ME1: variants seen among roughly 807,000 people sequenced by gnomAD.
ME1 encodes NADP-dependent malic enzyme.
ME1 carries 74 observed loss-of-function variants against 66.4 expected under a neutral mutation model. That is an observed-to-expected ratio of 1.11 (90% CI 0.92 to 1.35). The LOEUF (loss-of-function observed/expected upper bound fraction) is 1.35, where lower values mean the gene tolerates loss of function less well. Ranked by LOEUF, ME1 falls within the 40% of genes most tolerant of loss-of-function variation. The probability of loss-of-function intolerance (pLI) is 0.00; values close to 1 mark genes in which losing one functional copy is unlikely to be tolerated. For synonymous variants in ME1, 251 were observed against 235.6 expected (o/e 1.07, Z -0.60); for missense variants, 750 against 694.1 (o/e 1.08, Z -0.90).
intron 1 of ME1, among the ~76,000 whole-genome samples, chr6:83,415,839 T>A (rs1290738182): frequency 6.6e-6 from 1 of 152,208 alleles, no homozygotes; most frequent in Non-Finnish European, 1.5e-5. Context: ...TATGGGGATT[T>A]TTTAAAGTAC....
intron 5 of ME1, among the ~76,000 whole-genome samples, chr6:83,316,083 C>T (rs1170466): frequency 0.25 from 38,570 of 151,966 alleles, 5,579 homozygotes; most frequent in Middle Eastern, 0.46. Context: ...GAAATATTAG[C>T]TTAAGGAATG....
intron 6 of ME1, among the ~76,000 whole-genome samples, chr6:83,313,854 A>G (rs1270635723): frequency 6.6e-6 from 1 of 152,224 alleles, no homozygotes; most frequent in East Asian, 1.9e-4. Context: ...TCTAAAATGT[A>G]GTCCATACTA....
chr6:83,309,195 T>A (rs1474915008), intron 6 of ME1, among the ~76,000 whole-genome samples: 1 of 152,070 alleles, frequency 6.6e-6, no homozygotes, highest in African/African-American at 2.4e-5. Flanking sequence ...CTCAGAACCA[T>A]CACAGCTTTT....
At chr6:83,430,302 C>T (rs887451098) in intron 1 of ME1, among the ~76,000 whole-genome samples, 1 of 152,192 alleles carries the variant, frequency 6.6e-6, no homozygotes, top group Non-Finnish European at 1.5e-5. Flanking sequence ...AGACAGAGGC[C>T]ACCCACCACG....
chr6:83,225,205 CAA>C (rs146673365), intron 11 of ME1, among the ~76,000 whole-genome samples: 73 of 40,480 alleles, frequency 1.8e-3, no homozygotes, highest in East Asian at 9.0e-3. Flanking sequence ...GACTCCATCT[CAA>C]AAAAAAAAAA....
At chr6:83,218,318 T>C (rs912309443) in intron 12 of ME1, among the ~76,000 whole-genome samples, 1 of 152,142 alleles carries the variant, frequency 6.6e-6, no homozygotes, top group Non-Finnish European at 1.5e-5. Context: ...TACTGGGTAA[T>C]GTAGTGGCTT....
intron 3 of ME1, among the ~76,000 whole-genome samples, chr6:83,357,953 A>C (rs1365675830): frequency 3.5e-3 from 362 of 104,778 alleles, no homozygotes; most frequent in Middle Eastern, 0.012. Context: ...ATATATATAT[A>C]TATATATATA....
At chr6:83,277,640 G>A (rs556047671) in intron 6 of ME1, among the ~76,000 whole-genome samples, 76 of 152,198 alleles carry the variant, frequency 5.0e-4, no homozygotes, top group Admixed American at 2.0e-3. Context: ...GGTGGTTTAC[G>A]CCTGTAATCC....
chr6:83,374,216 G>A lies in ME1; in HGVS notation c.363-22077C>T, dbSNP rs147513885. 3.2e-4 allele frequency among the ~76,000 whole-genome samples: 48 copies of A among 152,190 alleles called. No homozygotes were observed. The East Asian group carries it at 6.8e-3, about 21-fold the overall frequency. On this transcript the variant is annotated intron_variant, in intron 3 of 13. Transcript: ENST00000369705. ...TGGTTGAACTAATTTACATTCCCAC[G>A]AACAATGTAAAAGCATTCCTATTTC...
intron 1 of ME1, among the ~76,000 whole-genome samples, chr6:83,410,608 A>G (rs1371703736): frequency 1.3e-5 from 2 of 152,190 alleles, no homozygotes; most frequent in African/African-American, 4.8e-5. Flanking sequence ...AAAAGGGGAA[A>G]GGAAAGCTGG....
intron 3 of ME1, among the ~76,000 whole-genome samples, chr6:83,376,029 C>T (rs572129923): frequency 4.5e-4 from 68 of 152,100 alleles, no homozygotes; most frequent in African/African-American, 1.6e-3. Flanking sequence ...GTAGTTTCTG[C>T]TATATATTAT....
intron 12 of ME1, among the ~76,000 whole-genome samples, chr6:83,222,314 T>A (rs1310694038): frequency 6.6e-6 from 1 of 152,188 alleles, no homozygotes; most frequent in Non-Finnish European, 1.5e-5. Flanking sequence ...AGGAGAACAT[T>A]ATTGCTTCCA....
Position 83,411,915 on chromosome 6 carries a change from G to A in ME1, c.79-4014C>T, listed in dbSNP as rs3798888. ...AGATCCCTAGACAGCAGAATGGTAC[G>A]TTGTTTCACTGCTAAGGGCAGCAAA... On this transcript the variant is annotated intron_variant, in intron 1 of 13. Transcript: ENST00000369705. 8.0e-3 allele frequency among the ~76,000 whole-genome samples: 1,210 copies of A among 152,134 alleles called. 37 individuals are homozygous for A. Among genetic ancestry groups the A allele is most frequent in the East Asian group, 0.07 (361 of 5,178 alleles).
chr6:83,270,059 C>A (rs922896605), intron 6 of ME1, among the ~76,000 whole-genome samples: 6 of 151,960 alleles, frequency 3.9e-5, no homozygotes, highest in Non-Finnish European at 8.8e-5. Flanking sequence ...ATATCTCATT[C>A]TTTAATCCAT....
At chr6:83,311,815 G>A (rs776389488) in intron 6 of ME1, among the ~76,000 whole-genome samples, 1 of 152,106 alleles carries the variant, frequency 6.6e-6, no homozygotes, top group Non-Finnish European at 1.5e-5. Flanking sequence ...TCATAAGAGT[G>A]GCAAAAGTGG....
chr6:83,399,223 T>C (rs1305927184), intron 2 of ME1, among the ~76,000 whole-genome samples: 1 of 151,940 alleles, frequency 6.6e-6, no homozygotes, highest in Non-Finnish European at 1.5e-5. Context: ...CTTGAACTCC[T>C]GACCTCAAGT....
intron 12 of ME1, among the ~76,000 whole-genome samples, chr6:83,218,588 T>G (rs1422911988): frequency 1.3e-5 from 2 of 152,154 alleles, no homozygotes; most frequent in Non-Finnish European, 2.9e-5. Flanking sequence ...TCTGCATCCC[T>G]GGGGACCTGA....
Position 83,312,513 on chromosome 6 carries a change from C to T in ME1, c.704+2797G>A, listed in dbSNP as rs1313190123. Among the ~76,000 whole-genome samples, 4 of 152,042 alleles carry T rather than the reference C, an allele frequency of 2.6e-5. No homozygotes were observed. In the East Asian group the frequency reaches 7.7e-4, roughly 29 times the overall value. On this transcript the variant is annotated intron_variant, in intron 6 of 13. Coordinates refer to ENST00000369705, the MANE Select transcript of ME1 (RefSeq NM_002395.6). ...TGAAGCTGCTCTACCCTAAACCTGC[C>T]AAGATGGCAAATAAAAAAAACCAAC...
At chr6:83,428,879 TAGA>T (rs768549144) in intron 1 of ME1, among the ~76,000 whole-genome samples, 105 of 152,360 alleles carry the variant, frequency 6.9e-4, no homozygotes, top group African/African-American at 2.3e-3. Context: ...TTATCTTTGA[TAGA>T]AGATCTTTGT....
Sources: gnomAD v4.1 joint callset for allele counts (sites outside exome capture counted in the v4.1 genomes callset) on GRCh38, gnomAD v4.1.1 for gene constraint, MANE v1.5 for transcripts, NCBI Gene and HGNC (gene_info 2026-07-23, HGNC 2026-07-21) for gene names.